AGMO: variants seen among roughly 807,000 people sequenced by gnomAD.
The protein encoded by AGMO is glyceryl-ether monooxygenase.
Under a neutral mutation model 60.2 loss-of-function variants are expected in AGMO, and 75 were observed. The ratio of observed to expected loss-of-function variants is 1.25; its 90% CI spans 1.03 to 1.51. The LOEUF (loss-of-function observed/expected upper bound fraction) is 1.51, where lower values mean the gene tolerates loss of function less well. Among genes scored for constraint, AGMO ranks in the 40% most tolerant of loss-of-function variants. The pLI, the probability that AGMO is intolerant of heterozygous loss-of-function variation, is 0.00. For synonymous variants in AGMO, 261 were observed against 177.1 expected (o/e 1.47, Z -3.76); for missense variants, 763 against 525.5 (o/e 1.45, Z -4.42).
At chr7:15,561,569 C>T (rs899255389) in intron 1 of AGMO, 151 bp downstream of exon 1, 3 of 759,968 alleles carry the variant, frequency 3.9e-6, no homozygotes, top group South Asian at 4.2e-5. Context: ...GGAAATTCTA[C>T]TTTTGCTTCA....
At chr7:15,528,868 G>A (rs772726920) in intron 3 of AGMO, among the ~76,000 whole-genome samples, 18 of 151,962 alleles carry the variant, frequency 1.2e-4, no homozygotes, top group South Asian at 2.1e-4. Flanking sequence ...GGCTGGTCTC[G>A]AACTCCCAAC....
chr7:15,529,239 C>G (rs1175565886), intron 3 of AGMO, among the ~76,000 whole-genome samples: 5 of 151,522 alleles, frequency 3.3e-5, no homozygotes, highest in African/African-American at 9.7e-5. Context: ...TCATGTAGTA[C>G]TGGGGTGGTT....
chr7:15,477,185 G>T (rs1782617789), intron 3 of AGMO, among the ~76,000 whole-genome samples: 1 of 151,858 alleles, frequency 6.6e-6, no homozygotes, highest in Non-Finnish European at 1.5e-5. Context: ...AAGCAAAGTT[G>T]AGAATTTTAA....
chr7:15,287,731 A>G (rs1487152065), intron 12 of AGMO, among the ~76,000 whole-genome samples: 4 of 152,206 alleles, frequency 2.6e-5, no homozygotes, highest in Admixed American at 2.6e-4. Flanking sequence ...CTGATTTATC[A>G]AATGTCTTCA....
In AGMO at chr7:15,529,842, A is replaced by G. The variant is rs865813055; in HGVS notation, c.409+14930T>C. Among the ~76,000 whole-genome samples the G allele has an allele frequency of 1.9e-3, 173 of 91,246 alleles. 57 individuals are homozygous for G. Among genetic ancestry groups the G allele is most frequent in the Non-Finnish European group, 2.5e-3 (129 of 51,522 alleles). The allele number at this position is 91,246 out of a possible 152,430, so 59.9% of individuals were successfully genotyped here. A position where few individuals can be genotyped will look rare whatever the true frequency, so the allele number is the denominator to read the frequency against. ...ATATTTCCATATATATTCTATATACATATTTCCATATAGATATTCTATATA... is the reference window on the plus strand; with the variant it reads ...ATATTTCCATATATATTCTATATACGTATTTCCATATAGATATTCTATATA... On this transcript the variant is annotated intron_variant, in intron 3 of 12. Transcript: ENST00000342526.
intron 12 of AGMO, among the ~76,000 whole-genome samples, chr7:15,213,176 G>T (rs971867235): frequency 6.6e-6 from 1 of 151,164 alleles, no homozygotes; most frequent in Non-Finnish European, 1.5e-5. Flanking sequence ...CCAACTCAAT[G>T]GATCCTCTCA....
chr7:15,192,620 A>C, the AGMO span, among the ~76,000 whole-genome samples: 1 of 152,258 alleles, frequency 6.6e-6, no homozygotes, highest in East Asian at 1.9e-4. Context: ...GGGTGTAAAA[A>C]GCTGTCACCC....
the AGMO span, among the ~76,000 whole-genome samples, chr7:15,191,187 T>C: frequency 2.0e-5 from 3 of 152,300 alleles, no homozygotes; most frequent in South Asian, 4.1e-4. Context: ...AAGGACAGTT[T>C]CTTTATAGAG....
At chr7:15,450,420 A>T (rs1348448102) in intron 3 of AGMO, among the ~76,000 whole-genome samples, 2 of 140,736 alleles carry the variant, frequency 1.4e-5, no homozygotes, top group African/African-American at 5.4e-5. Context: ...TCTCCATCTC[A>T]AAAAAAAAAA....
At chr7:15,302,322 T>C (rs1476281555) in intron 12 of AGMO, among the ~76,000 whole-genome samples, 1 of 152,172 alleles carries the variant, frequency 6.6e-6, no homozygotes, top group African/African-American at 2.4e-5. Flanking sequence ...AGAATTCTTC[T>C]TCTAACCAAA....
the AGMO span, among the ~76,000 whole-genome samples, chr7:15,135,230 T>C: frequency 6.6e-6 from 1 of 151,864 alleles, no homozygotes; most frequent in East Asian, 1.9e-4. Context: ...TATAGTTTTT[T>C]CTACCAATCT....
At chr7:15,387,718 T>C (rs535873703) in intron 8 of AGMO, among the ~76,000 whole-genome samples, 178 bp from the exon 9 acceptor site, 1 of 152,310 alleles carries the variant, frequency 6.6e-6, no homozygotes, top group Admixed American at 6.5e-5. Context: ...CTATGCACTG[T>C]ATACCATTAA....
At chr7:15,395,714 AGTTT>A (rs1396057810) in intron 5 of AGMO, among the ~76,000 whole-genome samples, 2 of 152,240 alleles carry the variant, frequency 1.3e-5, no homozygotes, top group African/African-American at 4.8e-5. Context: ...TGTTTGAAAA[AGTTT>A]GTTAAAAATT....
the AGMO span, among the ~76,000 whole-genome samples, chr7:15,155,861 C>T: frequency 2.6e-5 from 4 of 152,036 alleles, no homozygotes; most frequent in East Asian, 5.8e-4. Flanking sequence ...AATAAGTTGC[C>T]TTTAGTTTAT....
the AGMO span, among the ~76,000 whole-genome samples, chr7:15,190,260 A>G: frequency 1.4e-5 from 2 of 143,516 alleles, no homozygotes; most frequent in South Asian, 2.2e-4. Context: ...TGCAGCAAAC[A>G]GCTGTTTGCT....
chr7:15,132,492 C>G, the AGMO span, among the ~76,000 whole-genome samples: 1 of 152,242 alleles, frequency 6.6e-6, no homozygotes, highest in East Asian at 1.9e-4. Context: ...CAGCACAGCT[C>G]CAACTTACAA....
the AGMO span, among the ~76,000 whole-genome samples, chr7:15,140,110 T>TA: frequency 6.6e-6 from 1 of 151,446 alleles, no homozygotes; most frequent in Non-Finnish European, 1.5e-5. Flanking sequence ...ATATCAAAAG[T>TA]AAAAAATATG....
chr7:15,143,800 T>C, the AGMO span, among the ~76,000 whole-genome samples: 4 of 151,782 alleles, frequency 2.6e-5, no homozygotes, highest in Non-Finnish European at 4.4e-5. Context: ...ATGGAAGGAA[T>C]GATGGTGAGA....
intron 1 of AGMO, among the ~76,000 whole-genome samples, 164 bp from the exon 2 acceptor site, chr7:15,560,435 A>G (rs1785273923): frequency 6.6e-6 from 1 of 152,188 alleles, no homozygotes; most frequent in African/African-American, 2.4e-5. Context: ...GTGGTAAAGA[A>G]GTCTAATTAT....
Sources: gnomAD v4.1 joint callset for allele counts (sites outside exome capture counted in the v4.1 genomes callset) on GRCh38, gnomAD v4.1.1 for gene constraint, MANE v1.5 for transcripts, NCBI Gene and HGNC (gene_info 2026-07-23, HGNC 2026-07-21) for gene names.